NRXN3: variants seen among roughly 807,000 people sequenced by gnomAD.
NRXN3 encodes neurexin III.
In NRXN3, 32 loss-of-function variants were observed where a neutral mutation model predicts 137.6. That is an observed-to-expected ratio of 0.23 (90% CI 0.18 to 0.31). NRXN3 has a LOEUF of 0.31. Among genes scored for constraint, NRXN3 ranks in the 10% least tolerant of loss-of-function variants. The pLI, the probability that NRXN3 is intolerant of heterozygous loss-of-function variation, is 1.00. For missense variants in NRXN3, 1,574 were observed against 2,062.5 expected, an observed-to-expected ratio of 0.76 and a Z score of 4.59; for synonymous variants, 798 against 784.5, an observed-to-expected ratio of 1.02 and a Z score of -0.29.
At chr14:79,279,982 G>T (rs1301156516) in intron 15 of NRXN3, 4 of 1,165,510 alleles carry the variant, frequency 3.4e-6, no homozygotes, top group Non-Finnish European at 4.2e-6. Flanking sequence ...AGCCGCGCCG[G>T]TCTTCCCCTG....
At position 78,926,651 on chromosome 14, in the gene NRXN3, A is replaced by G. The variant is rs1429919939; in HGVS notation, c.2276-30591A>G. Among the ~76,000 whole-genome samples the G allele has an allele frequency of 1.1e-4, 11 of 99,374 alleles. No homozygotes were observed. The South Asian group carries it at 2.5e-3, about 23-fold the overall frequency. 65.2% of individuals were successfully genotyped at this position (99,374 alleles called of 152,430 possible). A position where few individuals can be genotyped will look rare whatever the true frequency, so the allele number is the denominator to read the frequency against. On this transcript the variant is annotated intron_variant, in intron 10 of 20. Transcript: ENST00000335750. ...TATATAATATATATTTATATATAAT[A>G]TATATATTTATTATATATATAATTA...
intron 20 of NRXN3, among the ~76,000 whole-genome samples, chr14:79,814,493 G>C (rs2099245660): frequency 6.6e-6 from 1 of 152,308 alleles, no homozygotes; most frequent in Middle Eastern, 3.4e-3. Context: ...GTCATAAGTT[G>C]TACTTTTTAC....
rs140273635 is a variant in NRXN3 at position 78,488,733 on chromosome 14, AGAG to A, written c.758-156386_758-156384del. Among the ~76,000 whole-genome samples, 1,187 of 150,416 alleles carry A rather than the reference AGAG, an allele frequency of 7.9e-3. 13 individuals carry two copies. Among genetic ancestry groups the A allele is most frequent in the African/African-American group, 0.028 (1,135 of 41,036 alleles). ...GGAGATGGAGAAATAAGGCAAAAGA[AGAG>A]AAGAAGGAGAAAGAAAGGAGGAGGA... On this transcript the variant is annotated intron_variant, in intron 4 of 20. Transcript: ENST00000335750.
At chr14:78,657,968 A>T (rs1004195718) in intron 6 of NRXN3, among the ~76,000 whole-genome samples, 7 of 150,312 alleles carry the variant, frequency 4.7e-5, no homozygotes, top group African/African-American at 1.7e-4. Context: ...TTCCTTACTC[A>T]TTTTCCTCCC....
At chr14:79,766,617 T>A (rs1184891292) in intron 19 of NRXN3, among the ~76,000 whole-genome samples, 4 of 152,202 alleles carry the variant, frequency 2.6e-5, no homozygotes, top group African/African-American at 4.8e-5. Context: ...TTCCTGGTAG[T>A]TTTGAATGTG....
Position 79,663,763 on chromosome 14 carries a change from G to GTTTC in NRXN3, c.3445-11_3445-8dup. On this transcript the variant is annotated splice_polypyrimidine_tract_variant and intron_variant, in intron 16 of 20. Transcript: ENST00000335750. ...GGTTGGTGATAACTATGCCTTTTGTGTTTCTTTATTATAGGAACAGGGGAA... is the reference window on the plus strand; with the variant it reads ...GGTTGGTGATAACTATGCCTTTTGTGTTTCTTTCTTTATTATAGGAACAGGGGAA... The GTTTC allele has an allele frequency of 1.2e-6, 2 of 1,609,754 alleles. No individual in the cohort carries two copies. Among genetic ancestry groups the GTTTC allele is most frequent in the South Asian group, 1.1e-5 (1 of 90,498 alleles).
chr14:79,014,820 A>G (rs1012321694), intron 15 of NRXN3, among the ~76,000 whole-genome samples: 1 of 151,956 alleles, frequency 6.6e-6, no homozygotes, highest in Non-Finnish European at 1.5e-5. Flanking sequence ...TGTCCCTTGG[A>G]TGGATTTTTG....
chr14:79,631,380 C>A (rs2098343490), intron 16 of NRXN3, among the ~76,000 whole-genome samples: 3 of 152,270 alleles, frequency 2.0e-5, no homozygotes, highest in African/African-American at 7.2e-5. Context: ...GCCCTTCAGT[C>A]CGCCGCGGCG....
intron 15 of NRXN3, among the ~76,000 whole-genome samples, chr14:79,287,065 T>C (rs1402139073): frequency 6.6e-6 from 1 of 152,174 alleles, no homozygotes; most frequent in East Asian, 1.9e-4. Flanking sequence ...TCAATGTTGA[T>C]CATTTGCTGG....
At chr14:79,133,922 C>G (rs779000346) in intron 15 of NRXN3, among the ~76,000 whole-genome samples, 1 of 138,362 alleles carries the variant, frequency 7.2e-6, no homozygotes, top group Non-Finnish European at 1.5e-5. Flanking sequence ...GAGCAAGATT[C>G]CATCTCAAAA....
At chr14:78,317,659 T>C (rs1397539925) in intron 4 of NRXN3, among the ~76,000 whole-genome samples, 1 of 152,174 alleles carries the variant, frequency 6.6e-6, no homozygotes, top group Non-Finnish European at 1.5e-5. Context: ...CTTCACTCAG[T>C]TCACTGATTC....
chr14:78,307,861 G>A (rs1165017095), intron 4 of NRXN3, among the ~76,000 whole-genome samples: 4 of 152,110 alleles, frequency 2.6e-5, no homozygotes. Context: ...CTTGGCCTTT[G>A]CCATCCTTTT....
At chr14:79,552,840 T>A (rs1453695336) in intron 16 of NRXN3, among the ~76,000 whole-genome samples, 1 of 152,066 alleles carries the variant, frequency 6.6e-6, no homozygotes, top group East Asian at 1.9e-4. Context: ...CTTAGAAGAA[T>A]AATGGGAAGA....
intron 15 of NRXN3, among the ~76,000 whole-genome samples, chr14:79,366,710 C>T (rs2093907230): frequency 6.6e-6 from 1 of 152,048 alleles, no homozygotes; most frequent in African/African-American, 2.4e-5. Flanking sequence ...CCAAGAAGCC[C>T]AAAGAACTAT....
intron 4 of NRXN3, among the ~76,000 whole-genome samples, chr14:78,523,816 C>CAAAAAAAAAAAAAA (rs56083130): frequency 8.9e-4 from 55 of 61,556 alleles, no homozygotes; most frequent in East Asian, 1.4e-3. Flanking sequence ...GACTCTGTCT[C>CAAAAAAAAAAAAAA]AAAAAAAAAA....
At chr14:78,608,656 G>T (rs560087253) in intron 4 of NRXN3, among the ~76,000 whole-genome samples, 1 of 152,074 alleles carries the variant, frequency 6.6e-6, no homozygotes, top group Non-Finnish European at 1.5e-5. Flanking sequence ...TTTCTTTGTC[G>T]ACTGAGATGG....
chr14:79,095,996 C>A (rs1302007081), intron 15 of NRXN3, among the ~76,000 whole-genome samples: 1 of 152,050 alleles, frequency 6.6e-6, no homozygotes, highest in East Asian at 1.9e-4. Context: ...ACCAGTCTCC[C>A]AGTTGTGATA....
chr14:79,031,850 T>G (rs2099608741), intron 15 of NRXN3, among the ~76,000 whole-genome samples: 1 of 152,152 alleles, frequency 6.6e-6, no homozygotes, highest in Non-Finnish European at 1.5e-5. Flanking sequence ...ATCTCCAGTT[T>G]TTGTTGTTGT....
At chr14:79,722,440 C>T (rs527447493) in intron 19 of NRXN3, among the ~76,000 whole-genome samples, 1 of 152,074 alleles carries the variant, frequency 6.6e-6, no homozygotes, top group Non-Finnish European at 1.5e-5. Flanking sequence ...TATTACCCTA[C>T]CCTTCTCACA....
Sources: allele counts gnomAD v4.1 joint callset (sites outside exome capture counted in the v4.1 genomes callset), GRCh38; gene constraint gnomAD v4.1.1; transcripts MANE v1.5; gene names NCBI Gene and HGNC (gene_info 2026-07-23, HGNC 2026-07-21).